The following DSCAM variants were observed in gnomAD, a reference collection of about 807,000 sequenced individuals.
DSCAM encodes the protein cell adhesion molecule DSCAM.
Under a neutral mutation model 217.7 loss-of-function variants are expected in DSCAM, and 47 were observed. That is an observed-to-expected ratio of 0.22 (90% CI 0.17 to 0.28). The LOEUF is 0.28. DSCAM is among the 10% of genes least tolerant of loss of function. The pLI is 1.00. For synonymous variants in DSCAM, 1,056 were observed against 1,015.3 expected (o/e 1.04, Z -0.76); for missense variants, 2,080 against 2,618.3 (o/e 0.79, Z 4.49).
At chr21:40,560,164 G>T (rs1337122717) in intron 3 of DSCAM, among the ~76,000 whole-genome samples, 3 of 152,188 alleles carry the variant, frequency 2.0e-5, no homozygotes, top group Admixed American at 6.5e-5. Context: ...ACACTAAAAT[G>T]TGAAGATGTA....
intron 3 of DSCAM, among the ~76,000 whole-genome samples, chr21:40,614,074 A>C (rs9978145): frequency 0.46 from 69,341 of 151,914 alleles, 16,337 homozygotes; most frequent in Admixed American, 0.54. Flanking sequence ...ACTCCTGTCA[A>C]CCAGTCCCAC....
At chr21:40,561,351 C>A (rs2076719170) in intron 3 of DSCAM, among the ~76,000 whole-genome samples, 1 of 152,310 alleles carries the variant, frequency 6.6e-6, no homozygotes, top group South Asian at 2.1e-4. Context: ...TGAAATATAA[C>A]CTACAAAATA....
At chr21:40,502,730 T>C (rs554765656) in intron 3 of DSCAM, among the ~76,000 whole-genome samples, 3 of 152,296 alleles carry the variant, frequency 2.0e-5, no homozygotes, top group African/African-American at 4.8e-5. Flanking sequence ...TTTTCTTATG[T>C]CAAGGACAGC....
chr21:40,154,309 G>A (rs1317562359), intron 16 of DSCAM, among the ~76,000 whole-genome samples: 1 of 151,210 alleles, frequency 6.6e-6, no homozygotes, highest in African/African-American at 2.4e-5. Context: ...CTGGAGTGCA[G>A]TGGTGGGATC....
At chr21:40,143,327 C>T in intron 17 of DSCAM, among the ~76,000 whole-genome samples, 1 of 152,156 alleles carries the variant, frequency 6.6e-6, no homozygotes, top group African/African-American at 2.4e-5. Flanking sequence ...CTGGCTGAGA[C>T]ACGCATCTTA....
intron 3 of DSCAM, among the ~76,000 whole-genome samples, chr21:40,401,415 G>A (rs1211961042): frequency 6.6e-6 from 1 of 151,730 alleles, no homozygotes; most frequent in Admixed American, 6.6e-5. Flanking sequence ...TTCTGTTAGT[G>A]TGTAGCAGTG....
chr21:40,468,843 A>T lies in DSCAM; in HGVS notation c.509-99598T>A, dbSNP rs73902642. On this transcript the variant is annotated intron_variant, in intron 3 of 32. Coordinates refer to ENST00000400454, the MANE Select transcript of DSCAM (RefSeq NM_001389.5). ...TTGTACAACAAAATAATAAAGATTT[A>T]AAAAAAAATTACCTCCATCCAGGAG... Among the ~76,000 whole-genome samples the T allele has an allele frequency of 4.1e-3, 623 of 151,982 alleles. 4 individuals carry two copies. Among genetic ancestry groups the T allele is most frequent in the African/African-American group, 0.014 (582 of 41,464 alleles).
intron 1 of DSCAM, among the ~76,000 whole-genome samples, chr21:40,770,907 C>T (rs1004690018): frequency 1.3e-5 from 2 of 152,176 alleles, no homozygotes; most frequent in African/African-American, 2.4e-5. Context: ...AATGCAAAAA[C>T]AGAAGAGGTA....
chr21:40,578,185 G>A (rs554646220), intron 3 of DSCAM, among the ~76,000 whole-genome samples: 5 of 152,228 alleles, frequency 3.3e-5, no homozygotes, highest in African/African-American at 9.6e-5. Context: ...AGAGGTATCC[G>A]GCAGTATCTA....
At chr21:40,309,962 T>TA (rs984326708) in intron 9 of DSCAM, among the ~76,000 whole-genome samples, 1 of 152,182 alleles carries the variant, frequency 6.6e-6, no homozygotes, top group Non-Finnish European at 1.5e-5. Context: ...CTCTTTAATC[T>TA]AGAAGAAAAT....
At chr21:40,246,593 G>T (rs2073229411) in intron 11 of DSCAM, among the ~76,000 whole-genome samples, 1 of 151,148 alleles carries the variant, frequency 6.6e-6, no homozygotes, top group African/African-American at 2.4e-5. Flanking sequence ...GTGGGTAGAT[G>T]TGCACTACTC....
chr21:40,655,015 C>G (rs2837765), intron 3 of DSCAM, among the ~76,000 whole-genome samples: 1 of 151,878 alleles, frequency 6.6e-6, no homozygotes, highest in Non-Finnish European at 1.5e-5. Flanking sequence ...TCTGGAAATG[C>G]GTATTTGTAC....
chr21:40,724,303 A>G (rs2090932225), intron 1 of DSCAM, among the ~76,000 whole-genome samples: 1 of 152,222 alleles, frequency 6.6e-6, no homozygotes. Flanking sequence ...AATGATGTAA[A>G]TGGCTCCTTA....
In DSCAM at chr21:40,517,404, AACACACACACACACACACAC is replaced by A. The variant is rs3070750; in HGVS notation, c.509-148179_509-148160del. On this transcript the variant is annotated intron_variant, in intron 3 of 32. Transcript: ENST00000400454. ...CACACATCTATACACACACACAAGC[AACACACACACACACACACAC>A]ACACACACACACAGACACGCATATT... Among the ~76,000 whole-genome samples, 5 of 144,680 alleles carry A rather than the reference AACACACACACACACACACAC, an allele frequency of 3.5e-5. No individual in the cohort carries two copies. In the South Asian group the frequency reaches 6.8e-4, roughly 20 times the overall value. The allele number at this position is 144,680 out of a possible 152,430, so 94.9% of individuals were successfully genotyped here. A position where few individuals can be genotyped will look rare whatever the true frequency, so the allele number is the denominator to read the frequency against.
intron 1 of DSCAM, among the ~76,000 whole-genome samples, chr21:40,831,904 C>A (rs2092014701): frequency 6.6e-6 from 1 of 152,200 alleles, no homozygotes; most frequent in Non-Finnish European, 1.5e-5. Context: ...CAAAACAACT[C>A]TTTAAAGAAA....
At chr21:40,561,719 G>A (rs1208536055) in intron 3 of DSCAM, among the ~76,000 whole-genome samples, 2 of 151,926 alleles carry the variant, frequency 1.3e-5, no homozygotes, top group Admixed American at 6.6e-5. Flanking sequence ...ATCTCCCAAC[G>A]ACATGCTTTC....
intron 9 of DSCAM, among the ~76,000 whole-genome samples, chr21:40,298,827 T>C (rs1055723955): frequency 1.3e-5 from 2 of 152,186 alleles, no homozygotes; most frequent in Non-Finnish European, 2.9e-5. Flanking sequence ...GCATGTCTAA[T>C]CATAATTGAT....
chr21:40,418,491 T>A (rs1364312323), intron 3 of DSCAM, among the ~76,000 whole-genome samples: 1 of 152,108 alleles, frequency 6.6e-6, no homozygotes, highest in Non-Finnish European at 1.5e-5. Context: ...GGTGTTTAGG[T>A]TATGTGAGGT....
At chr21:40,201,750 TTAA>T (rs1237364922) in intron 11 of DSCAM, among the ~76,000 whole-genome samples, 2 of 152,180 alleles carry the variant, frequency 1.3e-5, no homozygotes, top group Admixed American at 6.5e-5. Context: ...AGAAAACTTC[TTAA>T]TAATTATGTA....
Sources: allele counts gnomAD v4.1 joint callset (sites outside exome capture counted in the v4.1 genomes callset), GRCh38; gene constraint gnomAD v4.1.1; transcripts MANE v1.5; gene names NCBI Gene and HGNC (gene_info 2026-07-23, HGNC 2026-07-21).